The following SLC35F1 variants were observed in gnomAD, a reference collection of about 807,000 sequenced individuals.
SLC35F1 encodes chromosome 6 open reading frame 169.
A neutral mutation model predicts 48.7 loss-of-function variants in SLC35F1; 14 were observed. The ratio of observed to expected loss-of-function variants is 0.29; its 90% confidence interval spans 0.19 to 0.45. The LOEUF (loss-of-function observed/expected upper bound fraction) is 0.45, where lower values mean the gene tolerates loss of function less well. Ranked by LOEUF, SLC35F1 falls within the 20% of genes least tolerant of loss-of-function variation. SLC35F1 has a pLI of 1.00. For synonymous variants in SLC35F1, 190 were observed against 202.2 expected (o/e 0.94, Z 0.51); for missense variants, 404 against 500.0 (o/e 0.81, Z 1.83).
At chr6:117,944,731 A>G (rs1776274186) in intron 1 of SLC35F1, among the ~76,000 whole-genome samples, 1 of 152,230 alleles carries the variant, frequency 6.6e-6, no homozygotes, top group Non-Finnish European at 1.5e-5. Context: ...ATGCCTGCAT[A>G]TAAACAAGAG....
At chr6:118,073,862 A>G (rs1225751089) in intron 1 of SLC35F1, among the ~76,000 whole-genome samples, 1 of 152,190 alleles carries the variant, frequency 6.6e-6, no homozygotes, top group Non-Finnish European at 1.5e-5. Context: ...ATTGGTCCAC[A>G]CATTTTAAAT....
chr6:117,999,537 T>A (rs1332871167), intron 1 of SLC35F1: 17 of 761,760 alleles, frequency 2.2e-5, no homozygotes, highest in Non-Finnish European at 2.9e-5. Context: ...GGGGTCCTCC[T>A]GTGCTATTTG....
chr6:117,914,155 T>C (rs1281545645), intron 1 of SLC35F1, among the ~76,000 whole-genome samples: 1 of 151,734 alleles, frequency 6.6e-6, no homozygotes, highest in Non-Finnish European at 1.5e-5. Context: ...TCCACATATA[T>C]ACACACACGT....
chr6:118,297,955 G>A (rs538894690), intron 7 of SLC35F1, among the ~76,000 whole-genome samples: 14 of 151,824 alleles, frequency 9.2e-5, no homozygotes, highest in Non-Finnish European at 1.5e-4. Context: ...TCATGGTAAT[G>A]ACTGCATGCT....
intron 1 of SLC35F1, among the ~76,000 whole-genome samples, chr6:118,009,164 T>C (rs909130022): frequency 6.6e-6 from 1 of 152,124 alleles, no homozygotes; most frequent in Non-Finnish European, 1.5e-5. Context: ...GCCTGCCACG[T>C]GTCAGGCACT....
rs768814491 is a variant in SLC35F1, at chr6:118,300,578, A to G, written c.1003-13450A>G. 3.3e-5 allele frequency among the ~76,000 whole-genome samples: 5 copies of G among 152,374 alleles called. No homozygotes were observed. In the South Asian group the frequency reaches 8.3e-4, roughly 25 times the overall value. On this transcript the variant is annotated intron_variant, in intron 7 of 7. Transcript: ENST00000360388. The stretch of plus-strand genomic sequence containing the variant: ...CCTTGAATAAGAAGGAACTCTAAAT[A>G]GGAATCTTTGCCATTGAAAAAATGG...
At chr6:118,238,652 C>T (rs1268747276) in intron 3 of SLC35F1, among the ~76,000 whole-genome samples, 1 of 151,926 alleles carries the variant, frequency 6.6e-6, no homozygotes, top group Non-Finnish European at 1.5e-5. Context: ...TGGTTTTTAG[C>T]ACAAATTGGG....
chr6:117,939,237 C>T (rs1469802053), intron 1 of SLC35F1, among the ~76,000 whole-genome samples: 1 of 152,040 alleles, frequency 6.6e-6, no homozygotes, highest in Non-Finnish European at 1.5e-5. Flanking sequence ...TACTTGAATT[C>T]TGAGCAGAGA....
chr6:118,062,266 C>T (rs561593827), intron 1 of SLC35F1, among the ~76,000 whole-genome samples: 3 of 152,156 alleles, frequency 2.0e-5, no homozygotes, highest in South Asian at 4.1e-4. Flanking sequence ...TAATTTTTTT[C>T]TGAGGTCACA....
At position 118,161,544 on chromosome 6, in the gene SLC35F1, TGAGGTA is replaced by T. The variant is rs535313270; in HGVS notation, c.349+6925_349+6930del. On this transcript the variant is annotated intron_variant, in intron 2 of 7. Coordinates refer to ENST00000360388, the MANE Select transcript of SLC35F1 (RefSeq NM_001029858.4). The stretch of plus-strand genomic sequence containing the variant: ...AGTACTGTCACTTACCTAAGTCTGG[TGAGGTA>T]ATATTCACTGGAGCCTCTTAAAAAG... Among the ~76,000 whole-genome samples the T allele has an allele frequency of 2.8e-4, 42 of 152,336 alleles. 1 individual carries two copies. In the South Asian group the frequency reaches 6.8e-3, roughly 25 times the overall value.
At chr6:118,258,816 G>T (rs73512510) in intron 3 of SLC35F1, among the ~76,000 whole-genome samples, 6,475 of 151,916 alleles carry the variant, frequency 0.043, 414 homozygotes, top group African/African-American at 0.13. Flanking sequence ...CAGTGAGAAG[G>T]TTGACTGTAA....
At chr6:117,923,192 A>G (rs571407572) in intron 1 of SLC35F1, among the ~76,000 whole-genome samples, 21 of 152,254 alleles carry the variant, frequency 1.4e-4, no homozygotes, top group African/African-American at 4.6e-4. Context: ...CTTCTGACAA[A>G]CCAGATGAAG....
chr6:118,221,685 A>G (rs933271928), intron 2 of SLC35F1, among the ~76,000 whole-genome samples: 2 of 152,248 alleles, frequency 1.3e-5, no homozygotes, highest in African/African-American at 4.8e-5. Context: ...TAGACAAAAC[A>G]GTATAATGAA....
intron 1 of SLC35F1, among the ~76,000 whole-genome samples, chr6:117,928,227 T>G (rs1164070134): frequency 6.6e-6 from 1 of 152,112 alleles, no homozygotes; most frequent in African/African-American, 2.4e-5. Context: ...AATATAGAAC[T>G]GCCATTCACA....
chr6:118,096,820 C>G (rs1214980594), intron 1 of SLC35F1, among the ~76,000 whole-genome samples: 11 of 152,168 alleles, frequency 7.2e-5, no homozygotes, highest in Admixed American at 2.0e-4. Context: ...TGTGGTTTCA[C>G]TCCTACCCCA....
intron 1 of SLC35F1, among the ~76,000 whole-genome samples, chr6:117,936,778 T>C (rs1776168072): frequency 1.3e-5 from 2 of 152,320 alleles, no homozygotes; most frequent in South Asian, 4.1e-4. Context: ...TTTAAAAATG[T>C]TCACACAAAG....
intron 5 of SLC35F1, among the ~76,000 whole-genome samples, chr6:118,277,248 A>G (rs1775928833): frequency 6.6e-6 from 1 of 152,190 alleles, no homozygotes; most frequent in Non-Finnish European, 1.5e-5. Flanking sequence ...TTTGGGTGAG[A>G]AGAGCAGGAA....
intron 1 of SLC35F1, among the ~76,000 whole-genome samples, chr6:118,045,878 T>C (rs1772292082): frequency 1.3e-5 from 2 of 152,190 alleles, no homozygotes; most frequent in African/African-American, 4.8e-5. Flanking sequence ...ACTCCTTTCT[T>C]TTACGTTTGT....
chr6:118,002,259 T>C, intron 1 of SLC35F1, among the ~76,000 whole-genome samples: 1 of 152,166 alleles, frequency 6.6e-6, no homozygotes, highest in East Asian at 1.9e-4. Context: ...CACCATGGAA[T>C]ACTATGCAGC....
Sources: allele counts gnomAD v4.1 joint callset (sites outside exome capture counted in the v4.1 genomes callset), GRCh38; gene constraint gnomAD v4.1.1; transcripts MANE v1.5; gene names NCBI Gene and HGNC (gene_info 2026-07-23, HGNC 2026-07-21).